The following LMTK3 variants were observed in gnomAD, a reference collection of about 807,000 sequenced individuals.
LMTK3 encodes lemur tail kinase 3.
A neutral mutation model predicts 116.7 loss-of-function variants in LMTK3; 27 were observed. The ratio of observed to expected loss-of-function variants is 0.23; its 90% CI spans 0.17 to 0.32. LMTK3 has a LOEUF of 0.32. Ranked by LOEUF, LMTK3 falls within the 10% of genes least tolerant of loss-of-function variation. LMTK3 has a pLI of 1.00. For missense variants in LMTK3, 1,764 were observed against 2,068.5 expected (o/e 0.85, Z 2.86); for synonymous variants, 965 against 971.0 (o/e 0.99, Z 0.11).
chr19:48,501,201 T>G lies in LMTK3; in HGVS notation c.1002-56A>C, dbSNP rs950688833. 7.5e-6 allele frequency: 12 copies of G among 1,604,668 alleles called. No homozygotes were observed. In the African/African-American group the frequency reaches 1.5e-4, roughly 20 times the overall value. On this transcript the variant is annotated intron_variant, in intron 9 of 14. Transcript: ENST00000600059. ...GCCCTGACCCACCCGGGCCTCATTT[T>G]CCCCATCTGTAGAACCGGTGGCATC...
At chr19:48,503,955 C>T (rs1036726009) in intron 5 of LMTK3, among the ~76,000 whole-genome samples, 13 of 151,962 alleles carry the variant, frequency 8.6e-5, no homozygotes, top group Admixed American at 8.5e-4. Flanking sequence ...GCAACCTCCA[C>T]CTCCCGGGTT....
Position 48,497,316 on chromosome 19 carries a change from G to A in LMTK3, c.3676+77C>T, listed in dbSNP as rs889080881. On this transcript the variant is annotated intron_variant, in intron 11 of 14. Transcript: ENST00000600059. This position sits in a 1 kb window ranked among gnomAD's most constrained non-coding sequence, Gnocchi z 5.7. ...CATCACTGCCAGCCCGACCCGACAT[G>A]TTTACCCACACTCACCCTCCGCACG... 1.0e-5 allele frequency: 14 copies of A among 1,376,042 alleles called. No individual in the cohort carries two copies. In the African/African-American group the frequency reaches 1.8e-4, roughly 18 times the overall value. 85.2% of individuals were successfully genotyped at this position (1,376,042 alleles called of 1,614,324 possible). A position where few individuals can be genotyped will look rare whatever the true frequency, so the allele number is the denominator to read the frequency against.
At chr19:48,508,569 G>A (rs570019244) in intron 5 of LMTK3, among the ~76,000 whole-genome samples, 1 of 152,222 alleles carries the variant, frequency 6.6e-6, no homozygotes, top group East Asian at 1.9e-4. Flanking sequence ...GGACACTAGG[G>A]CTTCCTGGAC....
intron 12 of LMTK3, among the ~76,000 whole-genome samples, chr19:48,492,743 A>T (rs1482651074): frequency 2.0e-5 from 3 of 151,748 alleles, no homozygotes; most frequent in Non-Finnish European, 4.4e-5. Flanking sequence ...GCCTCTTCTC[A>T]ACACTTCCTC....
At chr19:48,506,253 C>A (rs576745946) in intron 5 of LMTK3, among the ~76,000 whole-genome samples, 2 of 150,236 alleles carry the variant, frequency 1.3e-5, no homozygotes, top group Non-Finnish European at 2.9e-5. Context: ...CTGAAGTGAG[C>A]CTTGAAAAAA....
At chr19:48,507,115 G>A (rs1474087630) in intron 5 of LMTK3, among the ~76,000 whole-genome samples, 3 of 152,222 alleles carry the variant, frequency 2.0e-5, no homozygotes, top group Non-Finnish European at 4.4e-5. Context: ...CATGTGTGGG[G>A]CTTCAACAGT....
In LMTK3 at chr19:48,509,454, T is replaced by A. The variant is rs974568832; in HGVS notation, c.421A>T (p.Ser141Cys). 6.4e-7 allele frequency: 1 copy of A among 1,558,792 alleles called. No individual in the cohort carries two copies. The highest frequency in any genetic ancestry group is 1.9e-5 in the Admixed American group (1 of 52,534). ...CCACTCACCTTCCCAAACCAGCCAC[T>A]CCCAATCTCCTGCAGGTAGCTCAGG... is the stretch of plus-strand genomic sequence containing the variant. ...QHLSYLQEIG[S>C]GWFGKVILGE... Residue 141 changes from serine (S) to cysteine (C), a missense_variant, in exon 4 of 15, where the codon AGT becomes TGT. Coordinates refer to ENST00000600059, the MANE Select transcript of LMTK3 (RefSeq NM_001388485.1).
intron 14 of LMTK3, among the ~76,000 whole-genome samples, chr19:48,488,324 ACT>A (rs1338398882): frequency 1.3e-5 from 2 of 151,182 alleles, no homozygotes; most frequent in African/African-American, 4.9e-5. Flanking sequence ...CCTGCCCTTG[ACT>A]CTCTGCCCTG....
chr19:48,486,272 G>C lies in LMTK3; in HGVS notation c.4367-483C>G, dbSNP rs1024390416. Reference sequence around the variant, plus strand: ...GACGGGGTTTCACCGTTTTAGCCGGGATGGTCTCGACCTCCTGACCTCGTG... The same window carrying C: ...GACGGGGTTTCACCGTTTTAGCCGGCATGGTCTCGACCTCCTGACCTCGTG... On this transcript the variant is annotated intron_variant, in intron 14 of 14. Transcript: ENST00000600059. Among the ~76,000 whole-genome samples, 196 of 150,260 alleles carry C rather than the reference G, an allele frequency of 1.3e-3. 1 individual carries two copies. Among genetic ancestry groups the C allele is most frequent in the Admixed American group, 2.4e-3 (36 of 15,146 alleles).
At position 48,498,024 on chromosome 19, in the gene LMTK3, C is replaced by T. The variant is rs1470499469; in HGVS notation, c.3045G>A (p.Thr1015=). Residue 1015 remains threonine, a synonymous_variant, in exon 11 of 15, where the codon ACG becomes ACA. Coordinates refer to ENST00000600059, the MANE Select transcript of LMTK3 (RefSeq NM_001388485.1). ...AAGGCCCAGTCTCTGGTGGCCTCTC[C>T]GTGTTCCTGGGGAATCTCAGGCCCC... ...ENGGLRFPRN[T]ERPPETGPWR... 1.2e-6 allele frequency: 2 copies of T among 1,612,882 alleles called. No homozygotes were observed. Among genetic ancestry groups the T allele is most frequent in the Non-Finnish European group, 1.7e-6 (2 of 1,179,688 alleles).
intron 14 of LMTK3, among the ~76,000 whole-genome samples, chr19:48,490,369 C>CA (rs1244757458): frequency 6.6e-6 from 1 of 151,612 alleles, no homozygotes. Context: ...AGTAAAAATA[C>CA]AAAAAAAGTA....
intron 5 of LMTK3, among the ~76,000 whole-genome samples, chr19:48,504,492 T>G (rs79573849): frequency 0.03 from 4,542 of 152,326 alleles, 84 homozygotes; most frequent in South Asian, 0.082. Context: ...TGGTATGTGC[T>G]GAGATCCTAG....
chr19:48,498,779 C>T lies in LMTK3; in HGVS notation c.2290G>A (p.Ala764Thr), dbSNP rs1390221434. Residue 764 changes from alanine to threonine, a missense_variant, in exon 11 of 15, where the codon GCG becomes ACG. Coordinates refer to ENST00000600059, the MANE Select transcript of LMTK3 (RefSeq NM_001388485.1). Reference sequence around the variant, plus strand: ...GGGTCGGGGGACGCGGCCGGGTCCGCGGGGGCCCGAGGAGGTGGCGGCGGG... The same window carrying T: ...GGGTCGGGGGACGCGGCCGGGTCCGTGGGGGCCCGAGGAGGTGGCGGCGGG... ...PPPPPPPRAP[A>T]DPAASPDPPS... is the part of the protein sequence containing the mutation. The T allele has an allele frequency of 5.1e-5, 15 of 296,578 alleles. No homozygotes were observed. Among genetic ancestry groups the T allele is most frequent in the East Asian group, 1.7e-4 (1 of 6,060 alleles). The allele number at this position is 296,578 out of a possible 1,614,324, so 18.4% of individuals were successfully genotyped here.
At chr19:48,492,165 C>T (rs531810255) in intron 12 of LMTK3, among the ~76,000 whole-genome samples, 5 of 152,266 alleles carry the variant, frequency 3.3e-5, no homozygotes, top group Non-Finnish European at 7.4e-5. Context: ...ACTCGCCCTC[C>T]CTTTTTCTCT....
upstream of LMTK3, chr19:48,513,281 C>G: frequency 4.3e-6 from 4 of 927,968 alleles, no homozygotes; most frequent in Non-Finnish European, 6.9e-6. This position sits in a 1 kb window ranked among gnomAD's most constrained non-coding sequence, Gnocchi z 5.6. Context: ...TTTACACGTA[C>G]AGAATTACCT....
intron 4 of LMTK3, 41 bp downstream of exon 4, chr19:48,509,396 G>A: frequency 3.3e-6 from 5 of 1,529,068 alleles, no homozygotes; most frequent in African/African-American, 2.8e-5. Context: ...AGGACAGCTC[G>A]GGATCCATGG....
chr19:48,490,524 CAAAAAAA>C (rs397860073), intron 14 of LMTK3, among the ~76,000 whole-genome samples: 104 of 48,086 alleles, frequency 2.2e-3, no homozygotes, highest in African/African-American at 7.9e-3. Flanking sequence ...GACTCCGTCT[CAAAAAAA>C]AAAAAAAAAA....
intron 14 of LMTK3, among the ~76,000 whole-genome samples, chr19:48,488,024 C>T (rs1972156245): frequency 6.6e-6 from 1 of 152,118 alleles, no homozygotes; most frequent in Non-Finnish European, 1.5e-5. Flanking sequence ...CAGCTCGCAG[C>T]CCACGCTGCC....
upstream of LMTK3, chr19:48,513,208 T>C (rs1315310038): frequency 7.1e-6 from 11 of 1,549,320 alleles, no homozygotes; most frequent in Non-Finnish European, 8.8e-6. This position sits in a 1 kb window ranked among gnomAD's most constrained non-coding sequence, Gnocchi z 5.6. Context: ...TACATGATCA[T>C]AGTTTATTTA....
Sources: gnomAD v4.1 joint callset for allele counts (sites outside exome capture counted in the v4.1 genomes callset) on GRCh38, gnomAD v4.1.1 for gene constraint, Gnocchi (gnomAD v3.1) non-coding constraint, MANE v1.5 for transcripts, NCBI Gene and HGNC (gene_info 2026-07-23, HGNC 2026-07-21) for gene names.